DOP1A: variants seen among roughly 807,000 people sequenced by gnomAD.
The protein encoded by DOP1A is protein DOP1A.
DOP1A carries 90 observed loss-of-function variants against 267.6 expected under a neutral mutation model. That is an observed-to-expected ratio of 0.34 (90% CI 0.28 to 0.40). The LOEUF (loss-of-function observed/expected upper bound fraction) is 0.40, where lower values mean the gene tolerates loss of function less well. DOP1A is among the 10% of genes least tolerant of loss of function. The pLI, the probability that DOP1A is intolerant of heterozygous loss-of-function variation, is 1.00. For missense variants in DOP1A, 2,437 were observed against 2,900.4 expected, an observed-to-expected ratio of 0.84 and a Z score of 3.67; for synonymous variants, 932 against 999.1, an observed-to-expected ratio of 0.93 and a Z score of 1.27.
chr6:83,168,179 G>A lies in DOP1A; in HGVS notation c.*12G>A. 1 of 1,605,466 alleles carries A rather than the reference G, an allele frequency of 6.2e-7. No homozygotes were observed. The highest frequency in any genetic ancestry group is 8.5e-7 in the Non-Finnish European group (1 of 1,176,660). ...TGATAAAAACTTGAGCACCATTGCT[G>A]GTTCCATTTAGCTTACATGTAAATG... is the stretch of plus-strand genomic sequence containing the variant. On this transcript the variant is annotated 3_prime_UTR_variant, in exon 39 of 39. Coordinates refer to ENST00000349129, the MANE Select transcript of DOP1A (RefSeq NM_015018.4).
intron 1 of DOP1A, among the ~76,000 whole-genome samples, chr6:83,086,504 A>C (rs929296700): frequency 1.3e-5 from 2 of 152,170 alleles, no homozygotes; most frequent in African/African-American, 4.8e-5. Flanking sequence ...ATGCAACTCA[A>C]ATTGCATGTT....
chr6:83,120,819 G>T, intron 10 of DOP1A, 28 bp downstream of exon 10: 1 of 1,397,630 alleles, frequency 7.2e-7, no homozygotes, highest in African/African-American at 1.4e-5. Flanking sequence ...AGGGCATAAG[G>T]TCATGTGTGG....
At chr6:83,124,942 G>A (rs1776919737) in intron 13 of DOP1A, 123 bp downstream of exon 13, 1 of 942,606 alleles carries the variant, frequency 1.1e-6, no homozygotes, top group Non-Finnish European at 1.6e-6. Context: ...TTCCTCTTTG[G>A]TAAGCTTTTT....
At chr6:83,166,538 A>G in intron 38 of DOP1A, 1 of 669,440 alleles carries the variant, frequency 1.5e-6, no homozygotes, top group Admixed American at 2.2e-5. Flanking sequence ...AAATAAATAT[A>G]AACAGCAATA....
rs578109242 is a variant in DOP1A, at chr6:83,125,486, A to C, written c.1486-14A>C. 13 of 1,606,728 alleles carry C rather than the reference A, an allele frequency of 8.1e-6. No homozygotes were observed. The African/African-American group carries it at 1.3e-4, about 17-fold the overall frequency. ...ACATTGTTTAAACTTTTTTCATTTC[A>C]CTTTTATTTTCAGGAGACTTACATT... On this transcript the variant is annotated splice_polypyrimidine_tract_variant and intron_variant, in intron 14 of 38. Coordinates refer to ENST00000349129, the MANE Select transcript of DOP1A (RefSeq NM_015018.4).
rs575873453 is a variant in DOP1A at position 83,097,499 on chromosome 6, C to G, written c.138+384C>G. ...AATGGAAAGCAGTAATTCCTGTGTT[C>G]TTTCCAAATGATATATAGCAACAAG... On this transcript the variant is annotated intron_variant, in intron 3 of 38. Transcript: ENST00000349129. Among the ~76,000 whole-genome samples the G allele has an allele frequency of 1.6e-4, 24 of 152,298 alleles. No individual in the cohort carries two copies. The East Asian group carries it at 4.4e-3, about 28-fold the overall frequency.
At chr6:83,169,051 T>C, downstream of DOP1A, 1 of 1,403,272 alleles carries the variant, frequency 7.1e-7, no homozygotes, top group Non-Finnish European at 9.2e-7. Context: ...CTTTAACAAG[T>C]GTAAGGCTTA....
chr6:83,145,716 T>C, intron 25 of DOP1A, 58 bp downstream of exon 25: 1 of 1,564,124 alleles, frequency 6.4e-7, no homozygotes. Flanking sequence ...ATTATGCTGG[T>C]AAGATTTTTT....
At chr6:83,164,781 A>C in intron 38 of DOP1A, 1 of 1,390,514 alleles carries the variant, frequency 7.2e-7, no homozygotes, top group African/African-American at 1.4e-5. Context: ...TTGAGACACA[A>C]ACCCAGGTCT....
rs148334159 is a variant in DOP1A, at chr6:83,155,696, G to T, written c.6452-255G>T. Reference sequence around the variant, plus strand: ...GTTTCCTCAGGGTTTTATATAAATGGTATTAGTGGTTTTACCTTCTAAAAC... The same window carrying T: ...GTTTCCTCAGGGTTTTATATAAATGTTATTAGTGGTTTTACCTTCTAAAAC... On this transcript the variant is annotated intron_variant, in intron 33 of 38. Coordinates refer to ENST00000349129, the MANE Select transcript of DOP1A (RefSeq NM_015018.4). Among the ~76,000 whole-genome samples, 172 of 152,250 alleles carry T rather than the reference G, an allele frequency of 1.1e-3. 1 individual carries two copies. Among genetic ancestry groups the T allele is most frequent in the African/African-American group, 3.9e-3 (162 of 41,550 alleles).
chr6:83,111,442 C>T (rs1314946940), intron 6 of DOP1A, among the ~76,000 whole-genome samples: 1 of 151,772 alleles, frequency 6.6e-6, no homozygotes, highest in African/African-American at 2.4e-5. Context: ...TTTTGAAGAA[C>T]TGGCAAACTT....
chr6:83,088,486 G>A (rs780666468), intron 1 of DOP1A, among the ~76,000 whole-genome samples: 8 of 145,370 alleles, frequency 5.5e-5, no homozygotes, highest in Admixed American at 1.4e-4. Flanking sequence ...GCAGTGGCGC[G>A]ATCTCAGCTC....
chr6:83,147,107 A>C, intron 25 of DOP1A, 129 bp from the exon 26 acceptor site: 1 of 417,812 alleles, frequency 2.4e-6, no homozygotes, highest in Non-Finnish European at 4.3e-6. Flanking sequence ...TCATTAATGA[A>C]AAATTGATGA....
chr6:83,129,580 T>A, intron 16 of DOP1A, 72 bp downstream of exon 16: 1 of 1,350,900 alleles, frequency 7.4e-7, no homozygotes, highest in South Asian at 2.2e-5. Context: ...AAAGAGGCAC[T>A]CAAAACTGGG....
chr6:83,081,315 C>A (rs1002132197), intron 1 of DOP1A, among the ~76,000 whole-genome samples: 2 of 152,030 alleles, frequency 1.3e-5, no homozygotes, highest in East Asian at 3.9e-4. Flanking sequence ...ACCATGTTGG[C>A]CAGGCTGGTC....
At chr6:83,100,600 CAA>C in intron 3 of DOP1A, 103 bp from the exon 4 acceptor site, 1 of 768,946 alleles carries the variant, frequency 1.3e-6, no homozygotes, top group Non-Finnish European at 1.9e-6. Context: ...TAACAAAACA[CAA>C]AGACCTACAA....
At chr6:83,129,608 C>A in intron 16 of DOP1A, 100 bp downstream of exon 16, 1 of 1,190,106 alleles carries the variant, frequency 8.4e-7, no homozygotes, top group Non-Finnish European at 1.1e-6. Context: ...TAGCCAGTTA[C>A]TTTTTTTAAT....
rs1258584185 is a variant in DOP1A at position 83,167,983 on chromosome 6, A to T, written c.7214A>T (p.Gln2405Leu). 6.2e-7 allele frequency: 1 copy of T among 1,614,198 alleles called. No homozygotes were observed. Among genetic ancestry groups the T allele is most frequent in the Non-Finnish European group, 8.5e-7 (1 of 1,180,032 alleles). ...CTGCCGTTCTTCAATGTGCTCAGTC[A>T]AGTCTTCAACAGCAAAGTCACAAGC... is the stretch of plus-strand genomic sequence containing the variant. ...QLLPFFNVLS[Q>L]VFNSKVTSRC... Residue 2405 changes from glutamine (Q) to leucine (L), a missense_variant, in exon 39 of 39, where the codon CAA becomes CTA. Physicochemically the swap from Gln to Leu is moderately radical, Grantham distance 113. Around this residue, in one of 9 missense-constraint regions of DOP1A, gnomAD observed 197 missense variants for 246.5 expected, o/e 0.80. Transcript: ENST00000349129.
At position 83,151,584 on chromosome 6, in the gene DOP1A, C is replaced by T. The variant is rs779670493; in HGVS notation, c.5838-9C>T. ...TTTCCCGTTTCTGTTTTCTCTTTGG[C>T]CCTTTTAGGGTTCTGAATGAGTTTA... On this transcript the variant is annotated splice_polypyrimidine_tract_variant and intron_variant, in intron 27 of 38. Coordinates refer to ENST00000349129, the MANE Select transcript of DOP1A (RefSeq NM_015018.4). 22 of 1,584,930 alleles carry T rather than the reference C, an allele frequency of 1.4e-5. No individual in the cohort carries two copies. Among genetic ancestry groups the T allele is most frequent in the Non-Finnish European group, 1.8e-5 (21 of 1,170,560 alleles).
Sources: gnomAD v4.1 joint callset for allele counts (sites outside exome capture counted in the v4.1 genomes callset) on GRCh38, gnomAD v4.1.1 for gene constraint, gnomAD v4.1.1 regional missense constraint, MANE v1.5 for transcripts, NCBI Gene and HGNC (gene_info 2026-07-23, HGNC 2026-07-21) for gene names.